Variants in VPS53 observed in about 807,000 individuals in gnomAD.
The protein encoded by VPS53 is VPS53 subunit of GARP complex, also known as vacuolar protein sorting-associated protein 53 homolog.
In VPS53, 70 loss-of-function variants were observed where a neutral mutation model predicts 107.0. The observed-to-expected ratio is 0.65, with a 90% CI of 0.54 to 0.80. The LOEUF is 0.80. VPS53 is among the 30% of genes least tolerant of loss of function. The pLI is 0.00. For missense variants in VPS53, 917 were observed against 1,049.4 expected, an observed-to-expected ratio of 0.87 and a Z score of 1.74; for synonymous variants, 409 against 393.3, an observed-to-expected ratio of 1.04 and a Z score of -0.47.
intron 16 of VPS53, 21 bp from the exon 17 acceptor site, chr17:551,971 T>C (rs752504485): frequency 2.5e-5 from 40 of 1,568,636 alleles, no homozygotes; most frequent in Non-Finnish European, 3.2e-5. Context: ...AACAAATCAC[T>C]GTGGTCACCC....
chr17:677,267 C>T (rs1017483508), intron 4 of VPS53, among the ~76,000 whole-genome samples: 2 of 152,030 alleles, frequency 1.3e-5, no homozygotes, highest in African/African-American at 4.8e-5. Flanking sequence ...ATTATTCACC[C>T]GTAAAAGAGA....
intron 11 of VPS53, among the ~76,000 whole-genome samples, chr17:614,803 A>C (rs1287157450): frequency 6.6e-6 from 1 of 152,222 alleles, no homozygotes; most frequent in African/African-American, 2.4e-5. Context: ...TATCTTTAGA[A>C]TGTAATTCTA....
At chr17:682,006 G>A (rs1328228936) in intron 4 of VPS53, among the ~76,000 whole-genome samples, 6 of 152,044 alleles carry the variant, frequency 3.9e-5, no homozygotes, top group African/African-American at 1.2e-4. Flanking sequence ...GCTGTGACAT[G>A]CTGTTTTGGT....
chr17:627,124 G>A (rs781730585), intron 10 of VPS53, 50 bp downstream of exon 10: 6 of 1,579,096 alleles, frequency 3.8e-6, no homozygotes, highest in South Asian at 2.3e-5. Flanking sequence ...CTGGGGAACC[G>A]ATGGTGAAAA....
chr17:712,983 A>G (rs936376634), intron 1 of VPS53, among the ~76,000 whole-genome samples: 4 of 152,128 alleles, frequency 2.6e-5, no homozygotes, highest in Admixed American at 6.5e-5. Flanking sequence ...TTCCTGCCCA[A>G]TGGTTTGGCG....
At chr17:670,899 A>C (rs566722760) in intron 4 of VPS53, among the ~76,000 whole-genome samples, 2 of 152,320 alleles carry the variant, frequency 1.3e-5, no homozygotes, top group Non-Finnish European at 2.9e-5. Context: ...TTCCAACTTG[A>C]CATCTATCTG....
At chr17:628,007 G>C in intron 9 of VPS53, 81 bp downstream of exon 9, 1 of 1,375,204 alleles carries the variant, frequency 7.3e-7, no homozygotes. Context: ...GTAATACGAG[G>C]TCTAAATTAG....
intron 4 of VPS53, among the ~76,000 whole-genome samples, chr17:695,113 T>C (rs1321423205): frequency 1.3e-5 from 2 of 152,208 alleles, no homozygotes; most frequent in Non-Finnish European, 1.5e-5. Context: ...GGGATGAGAC[T>C]TGTTCTCTGG....
At chr17:674,827 A>G (rs1426401709) in intron 4 of VPS53, 1 of 152,254 alleles carries the variant, frequency 6.6e-6, no homozygotes, top group Non-Finnish European at 1.5e-5. Flanking sequence ...GTCTGTGATT[A>G]ACTCGCTTCG....
chr17:710,456 T>C, intron 2 of VPS53, 77 bp downstream of exon 2: 3 of 1,101,598 alleles, frequency 2.7e-6, no homozygotes, highest in Non-Finnish European at 4.1e-6. Context: ...GTAGATGATC[T>C]AGTGTAACAC....
chr17:529,364 T>C (rs1240434895), intron 19 of VPS53, among the ~76,000 whole-genome samples: 2 of 150,054 alleles, frequency 1.3e-5, no homozygotes, highest in Non-Finnish European at 2.9e-5. Context: ...TCATCTAACT[T>C]TTAAAATCAG....
intron 11 of VPS53, among the ~76,000 whole-genome samples, chr17:611,381 C>T (rs1001993815): frequency 6.6e-6 from 1 of 152,196 alleles, no homozygotes; most frequent in Non-Finnish European, 1.5e-5. Context: ...ATGAAAACCA[C>T]AAGGAGATAC....
intron 7 of VPS53, among the ~76,000 whole-genome samples, chr17:635,504 T>C (rs1970159821): frequency 6.6e-6 from 1 of 152,212 alleles, no homozygotes; most frequent in South Asian, 2.1e-4. Flanking sequence ...TGCCTAGGTT[T>C]TCTTCTAGGG....
intron 2 of VPS53, among the ~76,000 whole-genome samples, chr17:699,600 C>T (rs1160094671): frequency 6.6e-6 from 1 of 152,126 alleles, no homozygotes; most frequent in Non-Finnish European, 1.5e-5. Flanking sequence ...TTCACTGGAA[C>T]ACAGCCATGC....
In VPS53 at chr17:510,433, C is replaced by T. The variant is rs933534963; in HGVS notation, c.*8695G>A. 4 of 215,032 alleles carry T rather than the reference C, an allele frequency of 1.9e-5. No individual in the cohort carries two copies. Among genetic ancestry groups the T allele is most frequent in the Non-Finnish European group, 1.9e-5 (2 of 104,046 alleles). The allele number at this position is 215,032 out of a possible 1,614,324, so 13.3% of individuals were successfully genotyped here. On this transcript the variant is annotated 3_prime_UTR_variant, in exon 22 of 22. Transcript: ENST00000437048. ...TGCTAGTCACGTATCAAATCCTGGCCGACCCCTTACTAGTCCCATATGAAA... is the reference window on the plus strand; with the variant it reads ...TGCTAGTCACGTATCAAATCCTGGCTGACCCCTTACTAGTCCCATATGAAA...
intron 7 of VPS53, among the ~76,000 whole-genome samples, chr17:641,956 G>A (rs1970438000): frequency 6.6e-6 from 1 of 152,204 alleles, no homozygotes; most frequent in Admixed American, 6.5e-5. Context: ...CATGCCACGT[G>A]ACTGCAGGGC....
At chr17:662,428 G>A (rs563132574) in intron 4 of VPS53, among the ~76,000 whole-genome samples, 5 of 152,148 alleles carry the variant, frequency 3.3e-5, no homozygotes, top group East Asian at 1.9e-4. Flanking sequence ...AGTGGCTCAC[G>A]CCTGTAATCC....
intron 19 of VPS53, 76 bp from the exon 20 acceptor site, chr17:521,814 T>C (rs1298990549): frequency 1.3e-5 from 18 of 1,363,108 alleles, no homozygotes; most frequent in Non-Finnish European, 1.6e-5. Flanking sequence ...CGATGAGTCA[T>C]GTTTTTCTCG....
intron 7 of VPS53, chr17:632,905 C>A: frequency 2.6e-6 from 1 of 389,556 alleles, no homozygotes; most frequent in Admixed American, 3.2e-5. Flanking sequence ...AGAATGTTTT[C>A]TAAGGTAAAA....
Sources: gnomAD v4.1 joint callset for allele counts (sites outside exome capture counted in the v4.1 genomes callset) on GRCh38, gnomAD v4.1.1 for gene constraint, MANE v1.5 for transcripts, NCBI Gene and HGNC (gene_info 2026-07-23, HGNC 2026-07-21) for gene names.